Variants in AUTS2 observed in about 807,000 individuals in gnomAD.
The protein encoded by AUTS2 is autism susceptibility gene 2 protein.
In AUTS2, 17 loss-of-function variants were observed where a neutral mutation model predicts 112.4. The observed-to-expected ratio is 0.15, with a 90% confidence interval of 0.10 to 0.23. AUTS2 has a LOEUF of 0.23. Ranked by LOEUF, AUTS2 falls within the 10% of genes least tolerant of loss-of-function variation. The pLI is 1.00. For missense variants in AUTS2, 1,510 were observed against 1,701.6 expected (o/e 0.89, Z 1.98); for synonymous variants, 751 against 702.7 (o/e 1.07, Z -1.09).
intron 6 of AUTS2, among the ~76,000 whole-genome samples, chr7:70,712,576 C>T (rs558125303): frequency 6.6e-5 from 10 of 152,280 alleles, no homozygotes; most frequent in African/African-American, 2.4e-4. Context: ...TGCCCCACCC[C>T]AAACCTACAG....
At chr7:69,839,177 A>G (rs1031048269) in intron 1 of AUTS2, among the ~76,000 whole-genome samples, 7 of 152,176 alleles carry the variant, frequency 4.6e-5, no homozygotes, top group African/African-American at 1.7e-4. Flanking sequence ...TAACATTAAC[A>G]TCTGCATGCC....
chr7:70,040,147 CG>C (rs1801183811), intron 2 of AUTS2, among the ~76,000 whole-genome samples: 2 of 152,110 alleles, frequency 1.3e-5, no homozygotes, highest in Admixed American at 1.3e-4. Context: ...TATAATTTTA[CG>C]TACGACCAAA....
chr7:69,653,605 A>G (rs1207371067), intron 1 of AUTS2, among the ~76,000 whole-genome samples: 1 of 150,896 alleles, frequency 6.6e-6, no homozygotes, highest in Non-Finnish European at 1.5e-5. Context: ...AATTCTCTGT[A>G]TGTGCATGCA....
chr7:70,053,544 G>GTTTTTTTTTTTTTTTT (rs200867539), intron 2 of AUTS2, among the ~76,000 whole-genome samples: 1,678 of 127,052 alleles, frequency 0.013, 98 homozygotes, highest in African/African-American at 0.03. Context: ...GTTTTGGGTG[G>GTTTTTTTTTTTTTTTT]TTTTTTTTTT....
At chr7:69,613,462 C>T (rs567624939) in intron 1 of AUTS2, among the ~76,000 whole-genome samples, 12 of 152,250 alleles carry the variant, frequency 7.9e-5, no homozygotes, top group East Asian at 1.9e-4. Context: ...GACCTTTTCC[C>T]GGGTTATACT....
chr7:70,557,940 G>C (rs912530869), intron 5 of AUTS2, among the ~76,000 whole-genome samples: 6 of 152,170 alleles, frequency 3.9e-5, no homozygotes, highest in African/African-American at 1.4e-4. Context: ...AGAACACTCA[G>C]AGTAAAGCTC....
intron 2 of AUTS2, among the ~76,000 whole-genome samples, chr7:69,981,773 A>G (rs1241709689): frequency 2.0e-5 from 3 of 152,356 alleles, no homozygotes; most frequent in Non-Finnish European, 2.9e-5. Context: ...GAGATATGCT[A>G]ACAGACATCA....
At chr7:69,943,992 A>C (rs1796717932) in intron 2 of AUTS2, among the ~76,000 whole-genome samples, 1 of 152,210 alleles carries the variant, frequency 6.6e-6, no homozygotes, top group African/African-American at 2.4e-5. Context: ...GGGGATAAAT[A>C]GTTCATTCCA....
chr7:70,764,949 CACT>C lies in AUTS2; in HGVS notation c.1413_1415del (p.Leu472del). On this transcript the variant is annotated inframe_deletion, in exon 8 of 19. Coordinates refer to ENST00000342771, the MANE Select transcript of AUTS2 (RefSeq NM_015570.4). The stretch of plus-strand genomic sequence containing the variant: ...CCCACTGCTCTGCCTCCTCCACCAC[CACT>C]GACATCAGGAAGTCTGCAGGTGGCC... 1.2e-6 allele frequency: 2 copies of C among 1,613,512 alleles called. No homozygotes were observed. Among genetic ancestry groups the C allele is most frequent in the Non-Finnish European group, 1.7e-6 (2 of 1,179,936 alleles).
intron 6 of AUTS2, among the ~76,000 whole-genome samples, chr7:70,744,497 A>G (rs547392631): frequency 1.4e-4 from 22 of 152,192 alleles, no homozygotes; most frequent in Non-Finnish European, 7.3e-5. Context: ...AAAGCCTTCC[A>G]CAGTGCCTTG....
chr7:70,301,203 G>A (rs1001952982), intron 4 of AUTS2, among the ~76,000 whole-genome samples: 2 of 152,182 alleles, frequency 1.3e-5, no homozygotes, highest in Non-Finnish European at 2.9e-5. Context: ...ATGAAGGGAG[G>A]AAAATGTCAG....
At chr7:70,137,092 T>G (rs993347294) in intron 4 of AUTS2, among the ~76,000 whole-genome samples, 1 of 152,232 alleles carries the variant, frequency 6.6e-6, no homozygotes, top group Non-Finnish European at 1.5e-5. Context: ...TTGTATTTGT[T>G]TATATCTCCT....
At position 69,614,367 on chromosome 7, in the gene AUTS2, T is replaced by TCTTTCTTTTCTTTCTTTTCTTTCTTTC. The variant is rs57602451; in HGVS notation, c.309+14405_309+14406insCTTTCTTTTCTTTCTTTTCTTTCTTTC. Among the ~76,000 whole-genome samples the TCTTTCTTTTCTTTCTTTTCTTTCTTTC allele has an allele frequency of 2.2e-4, 20 of 90,294 alleles. 3 individuals are homozygous for TCTTTCTTTTCTTTCTTTTCTTTCTTTC. Among genetic ancestry groups the TCTTTCTTTTCTTTCTTTTCTTTCTTTC allele is most frequent in the African/African-American group, 2.5e-4 (6 of 24,432 alleles). The allele number at this position is 90,294 out of a possible 152,430, so 59.2% of individuals were successfully genotyped here. On this transcript the variant is annotated intron_variant, in intron 1 of 18. Transcript: ENST00000342771. ...TTCTTTCTTTCTTTCTTTCTTTCTT[T>TCTTTCTTTTCTTTCTTTTCTTTCTTTC]TTTTAAGAGATGGGATCTCACTCTG...
intron 6 of AUTS2, among the ~76,000 whole-genome samples, chr7:70,752,730 A>C (rs1788946555): frequency 6.6e-6 from 1 of 152,160 alleles, no homozygotes; most frequent in Non-Finnish European, 1.5e-5. Flanking sequence ...GACATTGTTG[A>C]GTTTCTAAAG....
intron 5 of AUTS2, among the ~76,000 whole-genome samples, chr7:70,449,643 A>G (rs558686174): frequency 8.5e-4 from 129 of 152,344 alleles, no homozygotes; most frequent in African/African-American, 2.9e-3. Flanking sequence ...TGGGTCATCC[A>G]AAGTTGACAC....
chr7:70,567,095 G>A (rs909978881), intron 5 of AUTS2, among the ~76,000 whole-genome samples: 6 of 152,186 alleles, frequency 3.9e-5, no homozygotes, highest in Admixed American at 1.3e-4. Context: ...GGCCATTGCC[G>A]TTTTTTATAC....
chr7:69,918,383 G>A (rs1795676673), intron 2 of AUTS2, among the ~76,000 whole-genome samples: 1 of 152,110 alleles, frequency 6.6e-6, no homozygotes. Flanking sequence ...TAATTTTCAG[G>A]CCTCAGAGTT....
At chr7:69,736,222 T>C (rs925583935) in intron 1 of AUTS2, among the ~76,000 whole-genome samples, 1 of 152,198 alleles carries the variant, frequency 6.6e-6, no homozygotes, top group African/African-American at 2.4e-5. Context: ...CCTTCCTTCA[T>C]GCCTCACACC....
chr7:70,169,426 A>G (rs1171413227), intron 4 of AUTS2, among the ~76,000 whole-genome samples: 2 of 152,056 alleles, frequency 1.3e-5, no homozygotes, highest in African/African-American at 4.8e-5. Context: ...TATTTTTAGT[A>G]GAGACGGGGT....
Sources: allele counts gnomAD v4.1 joint callset (sites outside exome capture counted in the v4.1 genomes callset), GRCh38; gene constraint gnomAD v4.1.1; transcripts MANE v1.5; gene names NCBI Gene and HGNC (gene_info 2026-07-23, HGNC 2026-07-21).